ARFIP1: variants seen among roughly 807,000 people sequenced by gnomAD.
ARFIP1 encodes ARF interacting protein 1, also known as arfaptin-1.
In ARFIP1, 24 loss-of-function variants were observed where a neutral mutation model predicts 42.5. That is an observed-to-expected ratio of 0.57 (90% CI 0.41 to 0.80). ARFIP1 has a LOEUF of 0.80. Among genes scored for constraint, ARFIP1 ranks in the 30% least tolerant of loss-of-function variants. The pLI is 0.00. For synonymous variants in ARFIP1, 141 were observed against 153.7 expected, an observed-to-expected ratio of 0.92 and a Z score of 0.61; for missense variants, 354 against 434.0, an observed-to-expected ratio of 0.82 and a Z score of 1.64.
intron 2 of ARFIP1, among the ~76,000 whole-genome samples, chr4:152,847,509 A>G (rs1732660909): frequency 6.6e-6 from 1 of 151,898 alleles, no homozygotes; most frequent in African/African-American, 2.4e-5. Flanking sequence ...TCAGTTTTTT[A>G]CAGCAAAAAT....
rs562089359 is a variant in ARFIP1 at position 152,888,450 on chromosome 4, G to C, written c.966+143G>C. 268 of 597,810 alleles carry C rather than the reference G, an allele frequency of 4.5e-4. 1 individual carries two copies. In the African/African-American group the frequency reaches 4.7e-3, roughly 11 times the overall value. 37.0% of individuals were successfully genotyped at this position (597,810 alleles called of 1,614,324 possible). On this transcript the variant is annotated intron_variant, in intron 8 of 8. Transcript: ENST00000353617. ...TTTGTAATCAGTGTTTGAGTTTTTAGAAGCATACAAAATATATTTACCTTT... is the reference window on the plus strand; with the variant it reads ...TTTGTAATCAGTGTTTGAGTTTTTACAAGCATACAAAATATATTTACCTTT...
chr4:152,815,323 C>A lies in ARFIP1; in HGVS notation c.-9-14302C>A, dbSNP rs1027517860. Reference sequence around the variant, plus strand: ...AACAGAGACCTTATGGCCCACAGAGCTTTAGATATTTACTGTATGACCCTT... The same window carrying A: ...AACAGAGACCTTATGGCCCACAGAGATTTAGATATTTACTGTATGACCCTT... On this transcript the variant is annotated intron_variant, in intron 1 of 8. Transcript: ENST00000353617. Among the ~76,000 whole-genome samples, 3 of 152,146 alleles carry A rather than the reference C, an allele frequency of 2.0e-5. No homozygotes were observed. In the South Asian group the frequency reaches 6.2e-4, roughly 32 times the overall value.
At chr4:152,806,578 G>C (rs368355466) in intron 1 of ARFIP1, among the ~76,000 whole-genome samples, 4 of 152,262 alleles carry the variant, frequency 2.6e-5, no homozygotes, top group African/African-American at 7.2e-5. Flanking sequence ...GCAGTCTAAT[G>C]AGTTTTGACA....
chr4:152,835,175 G>A (rs1200712099), intron 2 of ARFIP1, among the ~76,000 whole-genome samples: 1 of 152,140 alleles, frequency 6.6e-6, no homozygotes, highest in East Asian at 1.9e-4. Context: ...CAGTCTGCTC[G>A]GATTCTTTCT....
At chr4:152,864,122 A>C (rs1734121572) in intron 3 of ARFIP1, among the ~76,000 whole-genome samples, 2 of 152,184 alleles carry the variant, frequency 1.3e-5, no homozygotes, top group African/African-American at 4.8e-5. Flanking sequence ...CCAAGACCAC[A>C]CTCATTAAAA....
intron 2 of ARFIP1, among the ~76,000 whole-genome samples, chr4:152,850,951 C>T (rs974897422): frequency 6.6e-6 from 1 of 152,156 alleles, no homozygotes; most frequent in Admixed American, 6.5e-5. Flanking sequence ...CTGGCAGATA[C>T]TTTTTATAGA....
chr4:152,904,173 TGTG>T (rs1490560574), intron 8 of ARFIP1, among the ~76,000 whole-genome samples: 2 of 31,000 alleles, frequency 6.5e-5, no homozygotes, highest in African/African-American at 2.4e-4. Flanking sequence ...TATATATGTG[TGTG>T]TGTGTATATA....
intron 8 of ARFIP1, among the ~76,000 whole-genome samples, chr4:152,893,374 TAAAGAA>T (rs1737025450): frequency 6.6e-6 from 1 of 152,098 alleles, no homozygotes; most frequent in South Asian, 2.1e-4. Context: ...GGCAAAAAGT[TAAAGAA>T]AAATATGCAG....
At chr4:152,875,188 G>C (rs1462691385) in intron 5 of ARFIP1, among the ~76,000 whole-genome samples, 16 of 151,974 alleles carry the variant, frequency 1.1e-4, no homozygotes, top group Non-Finnish European at 2.9e-5. Flanking sequence ...TTTAGACATT[G>C]AACCTATCTT....
chr4:152,821,350 G>T (rs974357420), intron 1 of ARFIP1, among the ~76,000 whole-genome samples: 4 of 152,166 alleles, frequency 2.6e-5, no homozygotes, highest in African/African-American at 9.6e-5. Context: ...ACAACATGCA[G>T]TGGCAAGCTT....
At chr4:152,905,545 GT>G (rs59608457) in intron 8 of ARFIP1, among the ~76,000 whole-genome samples, 586 of 30,344 alleles carry the variant, frequency 0.019, 1 homozygote, top group South Asian at 0.046. Context: ...TGTAAGAATT[GT>G]TTTTTTTTTT....
chr4:152,909,913 TAC>T, intron 8 of ARFIP1, 149 bp from the exon 9 acceptor site: 1 of 974,256 alleles, frequency 1.0e-6, no homozygotes, highest in Non-Finnish European at 1.5e-6. Context: ...CAAGGCAGTG[TAC>T]ACTTGGTATG....
intron 3 of ARFIP1, among the ~76,000 whole-genome samples, chr4:152,864,053 C>T (rs1481117887): frequency 6.6e-6 from 1 of 152,074 alleles, no homozygotes; most frequent in Non-Finnish European, 1.5e-5. Context: ...TTTATAAATA[C>T]ATATTTCTTA....
intron 3 of ARFIP1, among the ~76,000 whole-genome samples, chr4:152,867,486 G>T (rs1478781503): frequency 7.2e-5 from 11 of 152,110 alleles, no homozygotes; most frequent in African/African-American, 2.7e-4. Context: ...GGAGACCGTG[G>T]AAAGAGAGGG....
intron 2 of ARFIP1, among the ~76,000 whole-genome samples, chr4:152,861,938 T>C (rs947086573): frequency 3.3e-5 from 5 of 152,210 alleles, no homozygotes; most frequent in Admixed American, 1.3e-4. Context: ...ATACTTGAGA[T>C]ACGGTGGTAT....
intron 2 of ARFIP1, among the ~76,000 whole-genome samples, chr4:152,847,849 C>T (rs1732686096): frequency 6.6e-6 from 1 of 152,124 alleles, no homozygotes; most frequent in Non-Finnish European, 1.5e-5. Flanking sequence ...CTCCTTAGAC[C>T]TAGCTAAAAT....
intron 1 of ARFIP1, among the ~76,000 whole-genome samples, chr4:152,780,934 CAA>C: frequency 6.6e-6 from 1 of 152,256 alleles, no homozygotes; most frequent in Admixed American, 6.5e-5. Context: ...CCTTTGATTT[CAA>C]AAAGTTTACA....
At chr4:152,839,475 C>T (rs774922947) in intron 2 of ARFIP1, among the ~76,000 whole-genome samples, 2 of 152,038 alleles carry the variant, frequency 1.3e-5, no homozygotes, top group African/African-American at 2.4e-5. Flanking sequence ...TTGATCTGCT[C>T]GGGGTATCAA....
chr4:152,896,761 A>G (rs1195349457), intron 8 of ARFIP1, among the ~76,000 whole-genome samples: 1 of 152,096 alleles, frequency 6.6e-6, no homozygotes, highest in East Asian at 1.9e-4. Context: ...AAAAAAAAAA[A>G]GTTAGCTAGA....
Sources: gnomAD v4.1 joint callset for allele counts (sites outside exome capture counted in the v4.1 genomes callset) on GRCh38, gnomAD v4.1.1 for gene constraint, MANE v1.5 for transcripts, NCBI Gene and HGNC (gene_info 2026-07-23, HGNC 2026-07-21) for gene names.